The following NRXN1 variants were observed in gnomAD, a reference collection of about 807,000 sequenced individuals.
NRXN1 encodes the protein neurexin-1.
In NRXN1, 39 loss-of-function variants were observed where a neutral mutation model predicts 150.9. That is an observed-to-expected ratio of 0.26 (90% CI 0.20 to 0.34). The LOEUF is 0.34. Among genes scored for constraint, NRXN1 ranks in the 10% least tolerant of loss-of-function variants. NRXN1 has a pLI of 1.00. For missense variants in NRXN1, 1,815 were observed against 1,949.9 expected (o/e 0.93, Z 1.30); for synonymous variants, 924 against 757.0 (o/e 1.22, Z -3.62).
intron 8 of NRXN1, among the ~76,000 whole-genome samples, chr2:50,614,525 A>G (rs1428915706): frequency 6.6e-6 from 1 of 151,862 alleles, no homozygotes; most frequent in African/African-American, 2.4e-5. Flanking sequence ...ATTAGGAGAT[A>G]TACCTAATGT....
Position 51,027,482 on chromosome 2 carries a change from G to T in NRXN1, c.772+20C>A, listed in dbSNP as rs767842172. 2.0e-6 allele frequency: 3 copies of T among 1,495,336 alleles called. No homozygotes were observed. The highest frequency in any genetic ancestry group is 2.3e-5 in the Admixed American group (1 of 43,778). 92.6% of individuals were successfully genotyped at this position (1,495,336 alleles called of 1,614,324 possible). On this transcript the variant is annotated intron_variant, in intron 2 of 22. Coordinates refer to ENST00000401669, the MANE Select transcript of NRXN1 (RefSeq NM_001330078.2). ...CCCCGCCCAGGCCCCGGCCCCCGTG[G>T]GTCGGGCGTCGGGCCTTACCTTGGC... is the stretch of plus-strand genomic sequence containing the variant.
intron 5 of NRXN1, among the ~76,000 whole-genome samples, chr2:50,700,753 G>C (rs1378606739): frequency 6.6e-6 from 1 of 151,242 alleles, no homozygotes; most frequent in Admixed American, 6.6e-5. Flanking sequence ...GTGAGGATAA[G>C]TTTTTTATTT....
At chr2:50,363,745 A>G (rs2153012151) in intron 17 of NRXN1, among the ~76,000 whole-genome samples, 1 of 152,366 alleles carries the variant, frequency 6.6e-6, no homozygotes, top group East Asian at 1.9e-4. Context: ...TACTGGGTAT[A>G]TACCCAAAGG....
chr2:49,961,232 A>C (rs1421761487), intron 21 of NRXN1, among the ~76,000 whole-genome samples: 1 of 151,882 alleles, frequency 6.6e-6, no homozygotes. Context: ...TCACAAACGC[A>C]TTATTAGCTA....
chr2:50,215,846 C>T (rs943797149), intron 18 of NRXN1, among the ~76,000 whole-genome samples: 1 of 152,018 alleles, frequency 6.6e-6, no homozygotes, highest in African/African-American at 2.4e-5. Flanking sequence ...CATGCTTTGC[C>T]CAACCATATA....
chr2:50,241,218 C>CAA (rs201711583), intron 17 of NRXN1, among the ~76,000 whole-genome samples: 20,553 of 144,272 alleles, frequency 0.14, 1,588 homozygotes, highest in African/African-American at 0.21. Flanking sequence ...TAGCATAATG[C>CAA]AAAAAAAAAA....
At chr2:50,080,469 T>C (rs1182618064) in intron 19 of NRXN1, among the ~76,000 whole-genome samples, 1 of 152,126 alleles carries the variant, frequency 6.6e-6, no homozygotes, top group Non-Finnish European at 1.5e-5. Flanking sequence ...TTTCCAGAGA[T>C]GTTATATTGA....
At position 50,032,983 on chromosome 2, in the gene NRXN1, G is replaced by T. The variant is rs185010795; in HGVS notation, c.4128+20288C>A. 8.4e-4 allele frequency among the ~76,000 whole-genome samples: 127 copies of T among 151,192 alleles called. 1 individual carries two copies. The Middle Eastern group carries it at 0.028, about 33-fold the overall frequency. The stretch of plus-strand genomic sequence containing the variant: ...ACACGCCCCCATATTTATATACTGT[G>T]TATACACATTATATATATATTTTGT... On this transcript the variant is annotated intron_variant, in intron 21 of 22. Transcript: ENST00000401669.
chr2:50,643,197 G>C (rs1684313889), intron 5 of NRXN1, among the ~76,000 whole-genome samples: 1 of 151,862 alleles, frequency 6.6e-6, no homozygotes, highest in Non-Finnish European at 1.5e-5. Flanking sequence ...TAAGAGCCCT[G>C]ACTCCAGAAT....
At chr2:50,728,017 A>G (rs1457549259) in intron 5 of NRXN1, among the ~76,000 whole-genome samples, 1 of 152,174 alleles carries the variant, frequency 6.6e-6, no homozygotes, top group Non-Finnish European at 1.5e-5. Context: ...TTATTATGGA[A>G]ACAGAATCTG....
intron 21 of NRXN1, among the ~76,000 whole-genome samples, chr2:50,030,119 A>G (rs1688974577): frequency 6.6e-6 from 1 of 152,198 alleles, no homozygotes; most frequent in Non-Finnish European, 1.5e-5. Flanking sequence ...TGGAAGAATC[A>G]AAGAACATTC....
chr2:50,365,153 T>G (rs2079499615), intron 17 of NRXN1, among the ~76,000 whole-genome samples: 1 of 152,004 alleles, frequency 6.6e-6, no homozygotes, highest in African/African-American at 2.4e-5. Flanking sequence ...GATTTTTATT[T>G]TGAAGCAGTT....
intron 21 of NRXN1, among the ~76,000 whole-genome samples, chr2:49,951,041 G>A (rs1673861410): frequency 6.6e-6 from 1 of 151,864 alleles, no homozygotes; most frequent in Non-Finnish European, 1.5e-5. Context: ...AACCACTAAA[G>A]TGGGTTTGAG....
chr2:50,967,703 C>CAA (rs1694321183), intron 2 of NRXN1, among the ~76,000 whole-genome samples: 1 of 151,908 alleles, frequency 6.6e-6, no homozygotes, highest in Non-Finnish European at 1.5e-5. Flanking sequence ...TCCAGTTTTG[C>CAA]AATTAACAGT....
intron 21 of NRXN1, among the ~76,000 whole-genome samples, chr2:49,990,900 A>T (rs889959113): frequency 9.2e-5 from 14 of 152,168 alleles, no homozygotes; most frequent in African/African-American, 3.4e-4. Flanking sequence ...GTTGATTTGC[A>T]GTTAACTCAG....
chr2:50,810,974 G>A (rs557344631), intron 5 of NRXN1, among the ~76,000 whole-genome samples: 20 of 150,346 alleles, frequency 1.3e-4, no homozygotes, highest in African/African-American at 3.4e-4. Flanking sequence ...GTGAGACTCC[G>A]TCTCAAAAAA....
At chr2:50,103,693 C>T (rs1281428779) in intron 18 of NRXN1, among the ~76,000 whole-genome samples, 1 of 152,028 alleles carries the variant, frequency 6.6e-6, no homozygotes, top group Non-Finnish European at 1.5e-5. Context: ...GATAAAAGTT[C>T]ACTTGTAACT....
intron 18 of NRXN1, among the ~76,000 whole-genome samples, chr2:50,196,697 C>T (rs953319919): frequency 1.3e-5 from 2 of 152,096 alleles, no homozygotes; most frequent in South Asian, 4.2e-4. Context: ...TTTATTATCC[C>T]ATATTTCTAT....
At chr2:50,998,439 C>G (rs75472372) in intron 2 of NRXN1, among the ~76,000 whole-genome samples, 7,068 of 152,038 alleles carry the variant, frequency 0.046, 221 homozygotes, top group Admixed American at 0.082. Flanking sequence ...ATGGAAGTGC[C>G]AAAATGATTT....
Sources: allele counts gnomAD v4.1 joint callset (sites outside exome capture counted in the v4.1 genomes callset), GRCh38; gene constraint gnomAD v4.1.1; transcripts MANE v1.5; gene names NCBI Gene and HGNC (gene_info 2026-07-23, HGNC 2026-07-21).